The following ZC4H2 variants were observed in gnomAD, a reference collection of about 807,000 sequenced individuals.
ZC4H2 encodes the protein zinc finger C4H2 domain-containing protein.
For missense variants in ZC4H2, 137 were observed against 173.9 expected (o/e 0.79, Z 1.19); for synonymous variants, 84 against 66.3 (o/e 1.27, Z -1.30).
At chrX:64,927,416 A>G (rs776608875) in intron 1 of ZC4H2, among the ~76,000 whole-genome samples, 1 of 111,310 alleles carries the variant, frequency 9.0e-6, no homozygotes, top group East Asian at 2.8e-4. Flanking sequence ...TTTGCTGACA[A>G]TGGTGGTTTC....
chrX:64,983,176 A>C (rs965929512), intron 1 of ZC4H2, among the ~76,000 whole-genome samples: 6 of 111,711 alleles, frequency 5.4e-5, no homozygotes, highest in Non-Finnish European at 1.1e-4. Flanking sequence ...ATTTTTAGCT[A>C]TCTGACTCAA....
At chrX:64,956,707 G>A (rs1931171071) in intron 1 of ZC4H2, among the ~76,000 whole-genome samples, 1 of 111,709 alleles carries the variant, frequency 9.0e-6, no homozygotes, top group African/African-American at 3.3e-5. Flanking sequence ...AAACAAACAT[G>A]GAGTCACTCA....
intron 1 of ZC4H2, among the ~76,000 whole-genome samples, chrX:65,004,831 C>T (rs1480531162): frequency 1.8e-5 from 2 of 111,337 alleles, no homozygotes; most frequent in East Asian, 2.8e-4. Flanking sequence ...TTTAGAAAAC[C>T]CCATCATCTC....
At chrX:64,925,922 C>T (rs1217239446) in intron 1 of ZC4H2, among the ~76,000 whole-genome samples, 1 of 112,146 alleles carries the variant, frequency 8.9e-6, no homozygotes, top group Non-Finnish European at 1.9e-5. Flanking sequence ...GAGCCTTTGT[C>T]TATTGCCTGC....
intron 1 of ZC4H2, among the ~76,000 whole-genome samples, chrX:64,957,319 G>A (rs1931194906): frequency 1.8e-5 from 2 of 111,663 alleles, no homozygotes. Flanking sequence ...GAGTCTCTCT[G>A]CATCTGCTGT....
chrX:64,986,366 T>C (rs1932186508), intron 1 of ZC4H2, among the ~76,000 whole-genome samples: 1 of 111,944 alleles, frequency 8.9e-6, no homozygotes, highest in African/African-American at 3.2e-5. Context: ...GCAAGCCAGG[T>C]CAAGCTAAAA....
chrX:65,000,209 G>A (rs1441963324), intron 1 of ZC4H2, among the ~76,000 whole-genome samples: 2 of 111,710 alleles, frequency 1.8e-5, no homozygotes, highest in East Asian at 5.7e-4. Context: ...CTGGCATCTG[G>A]TGGGTGCCCC....
chrX:64,954,069 C>A (rs893776111), intron 1 of ZC4H2, among the ~76,000 whole-genome samples: 1 of 105,866 alleles, frequency 9.4e-6, no homozygotes, highest in Non-Finnish European at 1.9e-5. Context: ...ATCGCAAGGA[C>A]GAAAAACCAA....
At chrX:64,952,529 C>T (rs1182420484) in intron 1 of ZC4H2, among the ~76,000 whole-genome samples, 1 of 110,816 alleles carries the variant, frequency 9.0e-6, no homozygotes, top group Non-Finnish European at 1.9e-5. Flanking sequence ...CAATAACAGA[C>T]AAACAGAGAG....
chrX:64,945,687 C>T (rs1930495314), intron 1 of ZC4H2, among the ~76,000 whole-genome samples: 1 of 111,561 alleles, frequency 9.0e-6, no homozygotes, highest in African/African-American at 3.3e-5. Flanking sequence ...CCACAGCCAC[C>T]CCTTCTCCCA....
At chrX:65,002,377 C>T (rs1211464442) in intron 1 of ZC4H2, among the ~76,000 whole-genome samples, 39 of 108,638 alleles carry the variant, frequency 3.6e-4, no homozygotes, top group Non-Finnish European at 4.8e-4. Flanking sequence ...CCCGGCCAGC[C>T]GCCCCGTCCG....
At chrX:64,931,261 T>A (rs771989138) in intron 1 of ZC4H2, among the ~76,000 whole-genome samples, 3 of 112,287 alleles carry the variant, frequency 2.7e-5, no homozygotes, top group Non-Finnish European at 5.6e-5. Context: ...TTAATCTCAC[T>A]AACAGTCTAT....
At chrX:65,011,397 C>A (rs1932754004) in intron 1 of ZC4H2, among the ~76,000 whole-genome samples, 2 of 111,370 alleles carry the variant, frequency 1.8e-5, no homozygotes, top group African/African-American at 6.5e-5. Context: ...TTATGTGATT[C>A]TGGTCTGTGA....
At chrX:64,945,927 C>T (rs1930507074) in intron 1 of ZC4H2, among the ~76,000 whole-genome samples, 1 of 110,831 alleles carries the variant, frequency 9.0e-6, no homozygotes, top group African/African-American at 3.3e-5. Flanking sequence ...GAAGCCCCTC[C>T]CCCCACCAAG....
intron 1 of ZC4H2, among the ~76,000 whole-genome samples, chrX:65,034,414 A>G (rs1253466020): frequency 8.9e-6 from 1 of 112,072 alleles, no homozygotes; most frequent in African/African-American, 3.2e-5. Flanking sequence ...GCCCTTGTGA[A>G]GGATGAATTG....
chrX:64,993,046 G>C (rs1265330423), intron 1 of ZC4H2, among the ~76,000 whole-genome samples: 1 of 111,908 alleles, frequency 8.9e-6, no homozygotes, highest in Non-Finnish European at 1.9e-5. Flanking sequence ...TGCAAGCAAG[G>C]CTGTTGCATC....
At chrX:64,983,929 CCTT>C (rs763154861) in intron 1 of ZC4H2, among the ~76,000 whole-genome samples, 2 of 111,623 alleles carry the variant, frequency 1.8e-5, no homozygotes, top group Non-Finnish European at 3.8e-5. Flanking sequence ...TTAGTAACCT[CCTT>C]GTTTTCTTTG....
intron 1 of ZC4H2, among the ~76,000 whole-genome samples, chrX:65,001,383 A>G (rs990877918): frequency 8.0e-5 from 9 of 112,172 alleles, no homozygotes; most frequent in Admixed American, 9.4e-5. Flanking sequence ...TCCTTTACAG[A>G]CAAGCAGTGC....
At position 64,916,527 on chromosome X, in the gene ZC4H2, C is replaced by T. The variant is rs1928930819; in HGVS notation, c.*1256G>A. ...ACATTTTATATAGTGAACACATACA[C>T]ACTGTGGCAATGTAAAACTACTTAA... On this transcript the variant is annotated 3_prime_UTR_variant, in exon 5 of 5. Coordinates refer to ENST00000374839, the MANE Select transcript of ZC4H2 (RefSeq NM_018684.4). The T allele has an allele frequency of 8.9e-6, 1 of 112,124 alleles. No individual in the cohort carries two copies. The highest frequency in any genetic ancestry group is 3.7e-4 in the South Asian group (1 of 2,672). 9.2% of individuals were successfully genotyped at this position (112,124 alleles called of 1,213,427 possible).
Sources: allele counts gnomAD v4.1 joint callset (sites outside exome capture counted in the v4.1 genomes callset), GRCh38; gene constraint gnomAD v4.1.1; transcripts MANE v1.5; gene names NCBI Gene and HGNC (gene_info 2026-07-23, HGNC 2026-07-21).